CMIP: variants seen among roughly 807,000 people sequenced by gnomAD.
CMIP encodes C-Maf-inducing protein.
CMIP carries 13 observed loss-of-function variants against 97.3 expected under a neutral mutation model. The ratio of observed to expected loss-of-function variants is 0.13; its 90% CI spans 0.09 to 0.21. The LOEUF (loss-of-function observed/expected upper bound fraction) is 0.21. CMIP is among the 10% of genes least tolerant of loss of function. The pLI, the probability that CMIP is intolerant of heterozygous loss-of-function variation, is 1.00. For missense variants in CMIP, 847 were observed against 1,024.9 expected (o/e 0.83, Z 2.37); for synonymous variants, 538 against 436.3 (o/e 1.23, Z -2.91).
intron 1 of CMIP, among the ~76,000 whole-genome samples, chr16:81,470,683 C>G (rs753508148): frequency 6.6e-6 from 1 of 152,234 alleles, no homozygotes; most frequent in East Asian, 1.9e-4. Flanking sequence ...GTCTTGAGCT[C>G]TTGAGCTCAA....
chr16:81,457,471 G>A (rs779055919), intron 1 of CMIP, among the ~76,000 whole-genome samples: 3 of 152,148 alleles, frequency 2.0e-5, no homozygotes, highest in Non-Finnish European at 2.9e-5. Flanking sequence ...AAATGAGTGC[G>A]TGTGGCATAG....
rs1040715905 is a variant in CMIP at position 81,516,154 on chromosome 16, C to G, written c.300+70613C>G. On this transcript the variant is annotated intron_variant, in intron 1 of 20. Coordinates refer to ENST00000537098, the MANE Select transcript of CMIP (RefSeq NM_198390.3). ...GTTGGAGTCTCTCAGTTCCAGTGCC[C>G]AAGTGGCTTCCATCTCCTGGTTGGA... is the stretch of plus-strand genomic sequence containing the variant. Among the ~76,000 whole-genome samples the G allele has an allele frequency of 2.6e-5, 4 of 152,112 alleles. No individual in the cohort carries two copies. The East Asian group carries it at 7.7e-4, about 29-fold the overall frequency.
intron 4 of CMIP, among the ~76,000 whole-genome samples, chr16:81,657,168 C>A (rs1436467127): frequency 2.0e-5 from 3 of 152,100 alleles, no homozygotes; most frequent in East Asian, 1.9e-4. Flanking sequence ...GAAACAGGAC[C>A]CCTAAAATTT....
chr16:81,473,680 C>T (rs562989052), intron 1 of CMIP, among the ~76,000 whole-genome samples: 3 of 152,042 alleles, frequency 2.0e-5, no homozygotes, highest in Non-Finnish European at 4.4e-5. Context: ...TCATGATTTT[C>T]GACCCCTGTA....
At chr16:81,571,482 C>G (rs923213322) in intron 1 of CMIP, among the ~76,000 whole-genome samples, 1 of 150,314 alleles carries the variant, frequency 6.7e-6, no homozygotes, top group Non-Finnish European at 1.5e-5. Context: ...AGGAAAGAGC[C>G]CAGCGCAGTG....
intron 10 of CMIP, among the ~76,000 whole-genome samples, chr16:81,689,815 T>A (rs1005917444): frequency 6.6e-6 from 1 of 152,256 alleles, no homozygotes; most frequent in African/African-American, 2.4e-5. Context: ...TTAATCCATC[T>A]TGAATTAATT....
At chr16:81,513,140 C>T (rs1400096836) in intron 1 of CMIP, among the ~76,000 whole-genome samples, 5 of 152,216 alleles carry the variant, frequency 3.3e-5, no homozygotes, top group African/African-American at 1.2e-4. Context: ...TGATCCCTTG[C>T]CCTCTGGTAA....
chr16:81,573,879 C>T (rs1251417568), intron 1 of CMIP, among the ~76,000 whole-genome samples: 3 of 152,156 alleles, frequency 2.0e-5, no homozygotes, highest in East Asian at 3.9e-4. Context: ...TGTCCTGACT[C>T]CTCTTGAGCA....
intron 3 of CMIP, among the ~76,000 whole-genome samples, chr16:81,632,363 T>C (rs2150976382): frequency 6.6e-6 from 1 of 152,344 alleles, no homozygotes; most frequent in Non-Finnish European, 1.5e-5. Context: ...TCTCAGAAAG[T>C]GCTTATGAAT....
intron 4 of CMIP, among the ~76,000 whole-genome samples, chr16:81,653,748 G>A (rs1210561209): frequency 6.6e-6 from 1 of 152,230 alleles, no homozygotes; most frequent in Non-Finnish European, 1.5e-5. Context: ...AAGTAGCTGA[G>A]ATTACAGGCG....
At chr16:81,675,871 T>G (rs1169328372) in intron 9 of CMIP, among the ~76,000 whole-genome samples, 1 of 152,188 alleles carries the variant, frequency 6.6e-6, no homozygotes, top group Non-Finnish European at 1.5e-5. Flanking sequence ...GGGCGGGGCC[T>G]GAGACTCTGC....
intron 1 of CMIP, among the ~76,000 whole-genome samples, chr16:81,462,494 A>G (rs965241492): frequency 6.7e-6 from 1 of 148,770 alleles, no homozygotes; most frequent in South Asian, 2.1e-4. Context: ...AGAAATAAAC[A>G]TGTAAGTGAT....
intron 19 of CMIP, 98 bp from the exon 20 acceptor site, chr16:81,706,916 G>C (rs1302584330): frequency 2.1e-6 from 2 of 969,374 alleles, no homozygotes; most frequent in Admixed American, 1.9e-5. Flanking sequence ...CTAACAGGGG[G>C]CCTGGCACCT....
At chr16:81,610,509 G>A (rs998209516) in intron 2 of CMIP, 22 of 985,464 alleles carry the variant, frequency 2.2e-5, no homozygotes, top group Non-Finnish European at 2.5e-5. Context: ...AGCAGACACG[G>A]CCTCCCAACC....
intron 3 of CMIP, among the ~76,000 whole-genome samples, chr16:81,647,809 C>T (rs1022437504): frequency 6.6e-6 from 1 of 152,070 alleles, no homozygotes; most frequent in Non-Finnish European, 1.5e-5. Flanking sequence ...TGATCCTGGA[C>T]AGGCCTCCCT....
At chr16:81,479,625 G>C (rs9934612) in intron 1 of CMIP, among the ~76,000 whole-genome samples, 1 of 151,980 alleles carries the variant, frequency 6.6e-6, no homozygotes, top group Non-Finnish European at 1.5e-5. Flanking sequence ...TCTGGGTTAT[G>C]ATTATTATTA....
chr16:81,701,812 G>A lies in CMIP; in HGVS notation c.1896+12G>A, dbSNP rs558902020. ...AGCTGAAGGAGCTGGTGAGTCCCCG[G>A]CTGCTCCGGACCACTCCCCTGCCCA... On this transcript the variant is annotated intron_variant, in intron 16 of 20. Coordinates refer to ENST00000537098, the MANE Select transcript of CMIP (RefSeq NM_198390.3). 6.2e-7 allele frequency: 1 copy of A among 1,612,760 alleles called. No homozygotes were observed. The highest frequency in any genetic ancestry group is 8.5e-7 in the Non-Finnish European group (1 of 1,179,816).
At chr16:81,546,227 T>A (rs1440990213) in intron 1 of CMIP, among the ~76,000 whole-genome samples, 1 of 152,166 alleles carries the variant, frequency 6.6e-6, no homozygotes, top group Non-Finnish European at 1.5e-5. Context: ...TCCTTCTCTC[T>A]GAGTCAAGAG....
At chr16:81,705,627 G>A in intron 19 of CMIP, 23 bp downstream of exon 19, 1 of 1,486,668 alleles carries the variant, frequency 6.7e-7, no homozygotes, top group South Asian at 1.2e-5. Context: ...GGGGCAGCTG[G>A]GGGGTGAGGG....
Sources: allele counts gnomAD v4.1 joint callset (sites outside exome capture counted in the v4.1 genomes callset), GRCh38; gene constraint gnomAD v4.1.1; transcripts MANE v1.5; gene names NCBI Gene and HGNC (gene_info 2026-07-23, HGNC 2026-07-21).